GSDMA: variants seen among roughly 807,000 people sequenced by gnomAD.
GSDMA encodes gasdermin-A.
GSDMA carries 55 observed loss-of-function variants against 54.3 expected under a neutral mutation model. The observed-to-expected ratio is 1.01, with a 90% CI of 0.82 to 1.27. The LOEUF is 1.27. Ranked by LOEUF, GSDMA falls within the 50% of genes most tolerant of loss-of-function variation. The probability of loss-of-function intolerance (pLI) is 0.00; values close to 1 mark genes in which losing one functional copy is unlikely to be tolerated. For missense variants in GSDMA, 542 were observed against 542.6 expected (o/e 1.00, Z 0.01); for synonymous variants, 211 against 224.7 (o/e 0.94, Z 0.54).
At chr17:39,970,410 G>A (rs1979876359) in intron 3 of GSDMA, 72 bp from the exon 4 acceptor site, 12 of 1,335,982 alleles carry the variant, frequency 9.0e-6, no homozygotes, top group Non-Finnish European at 1.2e-5. Flanking sequence ...GGGAATGACA[G>A]AAGGAAAGAG....
At position 39,971,492 on chromosome 17, in the gene GSDMA, G is replaced by T. The variant is rs762027252; in HGVS notation, c.559-32G>T. 3 of 1,553,410 alleles carry T rather than the reference G, an allele frequency of 1.9e-6. No individual in the cohort carries two copies. The Admixed American group carries it at 5.0e-5, about 26-fold the overall frequency. On this transcript the variant is annotated intron_variant, in intron 4 of 11. Transcript: ENST00000301659. ...CAATATCTCATACTTAAGATGTCCAGAGATTCACAAATTCTCATTGTCTAA... is the reference window on the plus strand; with the variant it reads ...CAATATCTCATACTTAAGATGTCCATAGATTCACAAATTCTCATTGTCTAA...
At position 39,973,843 on chromosome 17, in the gene GSDMA, G is replaced by C; in HGVS notation, c.751+13G>C. On this transcript the variant is annotated intron_variant, in intron 8 of 11. Coordinates refer to ENST00000301659, the MANE Select transcript of GSDMA (RefSeq NM_178171.5). ...GCATCTGATGTTGGTAAGGAACTTTGTGAGTTTCTCCCAAGACTTTGGCAT... is the reference window on the plus strand; with the variant it reads ...GCATCTGATGTTGGTAAGGAACTTTCTGAGTTTCTCCCAAGACTTTGGCAT... The C allele has an allele frequency of 6.2e-7, 1 of 1,610,656 alleles. No individual in the cohort carries two copies. The highest frequency in any genetic ancestry group is 1.1e-5 in the South Asian group (1 of 90,890).
chr17:39,976,741 C>T, intron 11 of GSDMA, 75 bp from the exon 12 acceptor site: 9 of 1,576,204 alleles, frequency 5.7e-6, no homozygotes, highest in Non-Finnish European at 7.8e-6. Flanking sequence ...ATGTAACCTT[C>T]TTGTGATTTT....
chr17:39,973,591 T>C (rs1413058631), intron 7 of GSDMA, among the ~76,000 whole-genome samples: 1 of 150,570 alleles, frequency 6.6e-6, no homozygotes, highest in Non-Finnish European at 1.5e-5. Context: ...TTAAGAGTCT[T>C]AGTAGCTATA....
In GSDMA at chr17:39,974,943, C is replaced by A; in HGVS notation, c.950C>A (p.Ala317Glu). The change falls in exon 10 of 12, where the codon GCA (alanine) becomes GAA (glutamate). Residue 317 changes from alanine to glutamate, a missense_variant. By Grantham distance (107) the Ala-to-Glu change is moderately radical (BLOSUM62 -1). Transcript: ENST00000301659. ...AAGGGACATGAAGTGACCCTGGAGG[C>A]ACTCCCAAAAGATGTCCTGCTATCA... is the stretch of plus-strand genomic sequence containing the variant. ...LDKGHEVTLE[A>E]LPKDVLLSKE... The A allele has an allele frequency of 6.2e-7, 1 of 1,612,230 alleles. No individual in the cohort carries two copies. Among genetic ancestry groups the A allele is most frequent in the Non-Finnish European group, 8.5e-7 (1 of 1,179,114 alleles).
rs1040279128 is a variant in GSDMA at position 39,965,833 on chromosome 17, G to T, written c.146G>T (p.Trp49Leu). The change falls in exon 2 of 12, where the codon TGG becomes TTG. Residue 49 changes from tryptophan to leucine, a missense_variant. Trp to Leu is a moderately conservative substitution (Grantham distance 61). Coordinates refer to ENST00000301659, the MANE Select transcript of GSDMA (RefSeq NM_178171.5). ...AGGAAGAGGAAGAGCACGCTCTTCT[G>T]GGGGGCCCGGTACGTCCGCACCGAC... is the stretch of plus-strand genomic sequence containing the variant. ...VLRKRKSTLF[W>L]GARYVRTDYT... is the part of the protein sequence containing the mutation. 3.2e-6 allele frequency: 5 copies of T among 1,579,618 alleles called. No homozygotes were observed. The highest frequency in any genetic ancestry group is 4.3e-6 in the Non-Finnish European group (5 of 1,163,294).
chr17:39,968,643 C>T (rs1979789845), intron 3 of GSDMA, among the ~76,000 whole-genome samples: 1 of 152,088 alleles, frequency 6.6e-6, no homozygotes, highest in Non-Finnish European at 1.5e-5. Context: ...CCACCACCCC[C>T]AGCCAAGACA....
intron 3 of GSDMA, among the ~76,000 whole-genome samples, chr17:39,969,195 A>G (rs77009680): frequency 1.3e-5 from 2 of 151,932 alleles, no homozygotes; most frequent in Non-Finnish European, 2.9e-5. Flanking sequence ...TCCACAAAAA[A>G]CGCAATATTA....
At chr17:39,974,467 ATGT>A in intron 9 of GSDMA, 40 bp downstream of exon 9, 1 of 1,381,428 alleles carries the variant, frequency 7.2e-7, no homozygotes, top group African/African-American at 1.5e-5. Context: ...GGGAGAAGGC[ATGT>A]TTTGGTGAAG....
chr17:39,965,856 G>T lies in GSDMA; in HGVS notation c.169G>T (p.Asp57Tyr). Reference sequence around the variant, plus strand: ...CTGGGGGGCCCGGTACGTCCGCACCGACTACACGCTGCTGGATGTGCTTGA... The same window carrying T: ...CTGGGGGGCCCGGTACGTCCGCACCTACTACACGCTGCTGGATGTGCTTGA... Reference protein sequence around the residue: ...LFWGARYVRTDYTLLDVLEPG... With the variant: ...LFWGARYVRTYYTLLDVLEPG... Residue 57 changes from aspartate (D) to tyrosine (Y), a missense_variant, in exon 2 of 12, where the codon GAC (aspartate) becomes TAC (tyrosine). Physicochemically the swap from Asp to Tyr is radical, Grantham distance 160. Coordinates refer to ENST00000301659, the MANE Select transcript of GSDMA (RefSeq NM_178171.5). 3 of 1,564,888 alleles carry T rather than the reference G, an allele frequency of 1.9e-6. No homozygotes were observed. Among genetic ancestry groups the T allele is most frequent in the Non-Finnish European group, 2.6e-6 (3 of 1,155,154 alleles).
At chr17:39,966,520 G>A (rs1979677627) in intron 3 of GSDMA, 83 bp downstream of exon 3, 1 of 1,270,178 alleles carries the variant, frequency 7.9e-7, no homozygotes, top group African/African-American at 1.5e-5. Flanking sequence ...TGAGCTGAAA[G>A]GTAGGACCCT....
At chr17:39,963,495 G>C (rs1979505038) in intron 1 of GSDMA, among the ~76,000 whole-genome samples, 1 of 152,194 alleles carries the variant, frequency 6.6e-6, no homozygotes, top group Non-Finnish European at 1.5e-5. Flanking sequence ...GGGATAACTG[G>C]GGTGTGCCGA....
At chr17:39,973,095 C>T (rs1980031411) in intron 7 of GSDMA, among the ~76,000 whole-genome samples, 2 of 152,082 alleles carry the variant, frequency 1.3e-5, no homozygotes, top group African/African-American at 2.4e-5. Flanking sequence ...CCTCAGCCTC[C>T]GGAGTAGCTG....
intron 1 of GSDMA, among the ~76,000 whole-genome samples, chr17:39,964,388 G>T (rs1979541511): frequency 1.3e-5 from 2 of 152,076 alleles, no homozygotes; most frequent in African/African-American, 4.8e-5. Context: ...GACCAACATG[G>T]TGAAACCCTG....
intron 4 of GSDMA, 36 bp downstream of exon 4, chr17:39,970,683 A>C: frequency 7.3e-7 from 1 of 1,367,642 alleles, no homozygotes; most frequent in East Asian, 2.9e-5. Context: ...ACACACACAC[A>C]CTCTCACACT....
Position 39,977,080 on chromosome 17 carries a change from A to T in GSDMA, c.*22A>T. 1.2e-6 allele frequency: 2 copies of T among 1,613,070 alleles called. No individual in the cohort carries two copies. Among genetic ancestry groups the T allele is most frequent in the Non-Finnish European group, 1.7e-6 (2 of 1,179,442 alleles). On this transcript the variant is annotated 3_prime_UTR_variant, in exon 12 of 12. Coordinates refer to ENST00000301659, the MANE Select transcript of GSDMA (RefSeq NM_178171.5). Reference sequence around the variant, plus strand: ...CTAATTTGCCTTTTACGTCTGCTTCATGACTCCCTAATGCCTTCCCAACCT... The same window carrying T: ...CTAATTTGCCTTTTACGTCTGCTTCTTGACTCCCTAATGCCTTCCCAACCT...
intron 3 of GSDMA, among the ~76,000 whole-genome samples, chr17:39,968,855 A>T (rs974685299): frequency 3.9e-5 from 6 of 152,186 alleles, no homozygotes; most frequent in African/African-American, 1.4e-4. Context: ...ATTATAGGAC[A>T]TTAAAGCTAC....
At position 39,974,983 on chromosome 17, in the gene GSDMA, C is replaced by T. The variant is rs373488710; in HGVS notation, c.990C>T (p.Gly330=). 41 of 1,612,500 alleles carry T rather than the reference C, an allele frequency of 2.5e-5. No homozygotes were observed. The East Asian group carries it at 2.7e-4, about 11-fold the overall frequency. The change falls in exon 10 of 12, where the codon GGC becomes GGT. Residue 330 remains glycine, a synonymous_variant. Coordinates refer to ENST00000301659, the MANE Select transcript of GSDMA (RefSeq NM_178171.5). ...TCCTGCTATCAAAGGAGGCCGTGGG[C>T]GCCATCCTCTATTTCGTTGGAGCCC... ...KDVLLSKEAV[G]AILYFVGALT... is the part of the protein sequence containing the mutation.
chr17:39,963,670 A>G (rs1445091806), intron 1 of GSDMA, among the ~76,000 whole-genome samples: 1 of 152,160 alleles, frequency 6.6e-6, no homozygotes, highest in Non-Finnish European at 1.5e-5. Flanking sequence ...CCTGGCCAAC[A>G]TGGTGAAACA....
Sources: allele counts gnomAD v4.1 joint callset (sites outside exome capture counted in the v4.1 genomes callset), GRCh38; gene constraint gnomAD v4.1.1; transcripts MANE v1.5; gene names NCBI Gene and HGNC (gene_info 2026-07-23, HGNC 2026-07-21).